The following TET2 variants were observed in gnomAD, a reference collection of about 807,000 sequenced individuals.
The protein encoded by TET2 is methylcytosine dioxygenase TET2.
A neutral mutation model predicts 142.9 loss-of-function variants in TET2; 299 were observed. That is an observed-to-expected ratio of 2.09 (90% CI 1.90 to 2.30). TET2 has a LOEUF of 2.30. TET2 is among the 30% of genes most tolerant of loss of function. The probability of loss-of-function intolerance (pLI) is 0.00; values close to 1 mark genes in which losing one functional copy is unlikely to be tolerated. For missense variants in TET2, 2,418 were observed against 2,378.0 expected, an observed-to-expected ratio of 1.02 and a Z score of -0.35; for synonymous variants, 819 against 849.0, an observed-to-expected ratio of 0.96 and a Z score of 0.61.
chr4:105,146,358 G>T (rs527254797), upstream of TET2: 8 of 152,708 alleles, frequency 5.2e-5, no homozygotes, highest in African/African-American at 1.4e-4. Flanking sequence ...TCTCCCAGGG[G>T]TGGAGACCCG....
chr4:105,176,715 C>T (rs1173558929), intron 1 of TET2, among the ~76,000 whole-genome samples: 2 of 152,082 alleles, frequency 1.3e-5, no homozygotes, highest in Non-Finnish European at 2.9e-5. Flanking sequence ...AGATTCAGTG[C>T]AATGCCATTA....
intron 2 of TET2, among the ~76,000 whole-genome samples, chr4:105,228,908 TG>T (rs1728333836): frequency 1.3e-5 from 2 of 152,334 alleles, no homozygotes; most frequent in South Asian, 4.1e-4. Context: ...GTGTTATTGA[TG>T]ATTAAAAGCC....
At chr4:105,221,551 C>A (rs1407071315) in intron 2 of TET2, among the ~76,000 whole-genome samples, 3 of 152,114 alleles carry the variant, frequency 2.0e-5, no homozygotes, top group Non-Finnish European at 2.9e-5. Context: ...AAAAACCTGA[C>A]AAAACCTCCT....
intron 2 of TET2, among the ~76,000 whole-genome samples, chr4:105,192,050 T>C (rs987488510): frequency 2.0e-5 from 3 of 152,170 alleles, no homozygotes; most frequent in Non-Finnish European, 4.4e-5. Flanking sequence ...CATTCTGCTC[T>C]TGTCTTTTAC....
At chr4:105,251,830 T>C (rs1324377309) in intron 6 of TET2, among the ~76,000 whole-genome samples, 2 of 152,226 alleles carry the variant, frequency 1.3e-5, no homozygotes. Context: ...GGAAATTCTC[T>C]ACCCCTGGGC....
At chr4:105,230,495 G>C (rs1370250330) in intron 2 of TET2, among the ~76,000 whole-genome samples, 1 of 152,164 alleles carries the variant, frequency 6.6e-6, no homozygotes, top group Non-Finnish European at 1.5e-5. Flanking sequence ...GCCAAACATA[G>C]TATAGTATCA....
At chr4:105,274,313 A>G (rs1436444795) in intron 10 of TET2, among the ~76,000 whole-genome samples, 2 of 152,190 alleles carry the variant, frequency 1.3e-5, no homozygotes, top group Non-Finnish European at 2.9e-5. Flanking sequence ...TAAAAGTTTC[A>G]TTTACAAAGC....
intron 2 of TET2, among the ~76,000 whole-genome samples, chr4:105,193,271 T>G (rs1371675706): frequency 6.6e-6 from 1 of 152,036 alleles, no homozygotes; most frequent in Non-Finnish European, 1.5e-5. Context: ...TGTTGGCCTT[T>G]AGGGCAGGAA....
intron 2 of TET2, among the ~76,000 whole-genome samples, chr4:105,211,982 T>G (rs911851102): frequency 1.3e-5 from 2 of 152,206 alleles, no homozygotes; most frequent in African/African-American, 4.8e-5. Context: ...TATGGCCACC[T>G]CATATTCACC....
At chr4:105,173,394 A>G (rs1326765629) in intron 1 of TET2, among the ~76,000 whole-genome samples, 1 of 150,586 alleles carries the variant, frequency 6.6e-6, no homozygotes, top group Admixed American at 6.6e-5. Flanking sequence ...CTAGCCCGGC[A>G]TGGTGGTGTG....
At chr4:105,204,231 AT>A in intron 2 of TET2, among the ~76,000 whole-genome samples, 1 of 83,110 alleles carries the variant, frequency 1.2e-5, no homozygotes, top group South Asian at 3.4e-4. Flanking sequence ...AAAAAAAAAT[AT>A]ATACACACAC....
intron 1 of TET2, among the ~76,000 whole-genome samples, chr4:105,181,050 A>G (rs1009166323): frequency 1.3e-5 from 2 of 152,180 alleles, no homozygotes; most frequent in African/African-American, 2.4e-5. Flanking sequence ...GCCTCTATAA[A>G]ACCAAGTTTA....
intron 8 of TET2, among the ~76,000 whole-genome samples, chr4:105,267,270 A>G (rs1377486670): frequency 6.6e-6 from 1 of 152,132 alleles, no homozygotes; most frequent in African/African-American, 2.4e-5. Context: ...AAGAAAGAAC[A>G]TGATACCAGA....
At chr4:105,208,755 A>G (rs1726972206) in intron 2 of TET2, among the ~76,000 whole-genome samples, 2 of 151,958 alleles carry the variant, frequency 1.3e-5, no homozygotes, top group Admixed American at 1.3e-4. Context: ...TTTAGCGTGA[A>G]TTCTGTTCTT....
intron 2 of TET2, among the ~76,000 whole-genome samples, chr4:105,215,609 A>G (rs571944406): frequency 6.6e-6 from 1 of 152,312 alleles, no homozygotes; most frequent in Admixed American, 6.5e-5. Context: ...AGAAACAGAA[A>G]GGAATACAAC....
At chr4:105,267,005 G>A (rs561805952) in intron 8 of TET2, among the ~76,000 whole-genome samples, 1 of 151,776 alleles carries the variant, frequency 6.6e-6, no homozygotes, top group South Asian at 2.1e-4. Context: ...GAGAAAAAAG[G>A]ACATATTACA....
chr4:105,272,466 A>G, intron 9 of TET2, 98 bp from the exon 10 acceptor site: 1 of 809,030 alleles, frequency 1.2e-6, no homozygotes, highest in East Asian at 2.7e-5. Context: ...TAGGCCACCA[A>G]CACAAATCTG....
intron 1 of TET2, among the ~76,000 whole-genome samples, chr4:105,186,475 T>C (rs913216962): frequency 7.3e-6 from 1 of 137,396 alleles, no homozygotes; most frequent in African/African-American, 2.8e-5. Context: ...TGCATTTTCT[T>C]TTTTTTTTTT....
intron 2 of TET2, among the ~76,000 whole-genome samples, chr4:105,193,116 T>C (rs1001123933): frequency 2.0e-5 from 3 of 152,152 alleles, no homozygotes; most frequent in Non-Finnish European, 2.9e-5. Flanking sequence ...CCATCTGGAC[T>C]ATAACAGAGG....
Sources: allele counts gnomAD v4.1 joint callset (sites outside exome capture counted in the v4.1 genomes callset), GRCh38; gene constraint gnomAD v4.1.1; transcripts MANE v1.5; gene names NCBI Gene and HGNC (gene_info 2026-07-23, HGNC 2026-07-21).